Variants in SH3RF2 observed in about 807,000 individuals in gnomAD.
The protein encoded by SH3RF2 is E3 ubiquitin-protein ligase SH3RF2.
In SH3RF2, 43 loss-of-function variants were observed where a neutral mutation model predicts 59.0. The observed-to-expected ratio is 0.73, with a 90% CI of 0.57 to 0.94. The LOEUF is 0.94. Ranked by LOEUF, SH3RF2 falls within the 40% of genes least tolerant of loss-of-function variation. The pLI, the probability that SH3RF2 is intolerant of heterozygous loss-of-function variation, is 0.00. For synonymous variants in SH3RF2, 391 were observed against 391.5 expected (o/e 1.00, Z 0.01); for missense variants, 930 against 940.1 (o/e 0.99, Z 0.14).
chr5:145,954,751 G>A (rs1198483370), intron 2 of SH3RF2, among the ~76,000 whole-genome samples: 1 of 152,116 alleles, frequency 6.6e-6, no homozygotes, highest in Non-Finnish European at 1.5e-5. Context: ...GGTTCTGCAG[G>A]CTGTCCAGGC....
chr5:146,000,826 A>G (rs1306803990), intron 3 of SH3RF2, among the ~76,000 whole-genome samples: 1 of 152,266 alleles, frequency 6.6e-6, no homozygotes, highest in Non-Finnish European at 1.5e-5. Flanking sequence ...AATAAGTCAC[A>G]GTCTCTGCTC....
At chr5:146,041,933 A>G (rs1408742090) in intron 5 of SH3RF2, among the ~76,000 whole-genome samples, 2 of 152,162 alleles carry the variant, frequency 1.3e-5, no homozygotes, top group East Asian at 1.9e-4. Context: ...CCTGTCTCAA[A>G]AAAATAAAAA....
At chr5:145,956,491 G>T (rs2149950341) in intron 2 of SH3RF2, among the ~76,000 whole-genome samples, 1 of 152,170 alleles carries the variant, frequency 6.6e-6, no homozygotes, top group East Asian at 1.9e-4. Context: ...GGCCAGGCTG[G>T]TCTCAAACTC....
At position 146,056,030 on chromosome 5, in the gene SH3RF2, T is replaced by G. The variant is rs767023850; in HGVS notation, c.1372T>G (p.Trp458Gly). 5.0e-6 allele frequency: 8 copies of G among 1,614,140 alleles called. No homozygotes were observed. The highest frequency in any genetic ancestry group is 6.8e-6 in the Non-Finnish European group (8 of 1,180,052). ...DSRSPGLYTT[W>G]TLSTSSVSSQ... ...CCGGAGCCCTGGTCTCTACACCACA[T>G]GGACGTTATCCACCTCCTCTGTGTC... is the stretch of plus-strand genomic sequence containing the variant. The change falls in exon 8 of 10, where the codon TGG becomes GGG. Residue 458 changes from tryptophan to glycine, a missense_variant. Trp to Gly is a radical substitution (Grantham distance 184). Coordinates refer to ENST00000359120, the MANE Select transcript of SH3RF2 (RefSeq NM_152550.4).
chr5:146,061,867 A>G (rs2150023521), intron 9 of SH3RF2, among the ~76,000 whole-genome samples: 1 of 152,104 alleles, frequency 6.6e-6, no homozygotes, highest in Non-Finnish European at 1.5e-5. Flanking sequence ...TTTTATATGC[A>G]ATCTCCCAAT....
At chr5:146,002,115 C>A (rs1386790331) in intron 3 of SH3RF2, among the ~76,000 whole-genome samples, 1 of 152,174 alleles carries the variant, frequency 6.6e-6, no homozygotes, top group African/African-American at 2.4e-5. Flanking sequence ...ATAGGCCCTG[C>A]ACACATGAAG....
At chr5:146,047,951 C>A in intron 6 of SH3RF2, 88 bp downstream of exon 6, 1 of 1,223,324 alleles carries the variant, frequency 8.2e-7, no homozygotes. Flanking sequence ...ATCACCATTC[C>A]CAAAACATCC....
intron 5 of SH3RF2, among the ~76,000 whole-genome samples, chr5:146,044,497 A>G (rs954046563): frequency 2.6e-5 from 4 of 152,134 alleles, no homozygotes; most frequent in African/African-American, 9.7e-5. Flanking sequence ...TTTCCCTGGT[A>G]ATTATTGATG....
In SH3RF2 at chr5:145,963,794, T is replaced by A. The variant is rs372851539; in HGVS notation, c.378+25488T>A. On this transcript the variant is annotated intron_variant, in intron 2 of 9. Coordinates refer to ENST00000359120, the MANE Select transcript of SH3RF2 (RefSeq NM_152550.4). The stretch of plus-strand genomic sequence containing the variant: ...GCTCTTTGATTTCTTGGAGTTTCCC[T>A]TAATAGTTTTTCTTTCTTTCTTTCT... Among the ~76,000 whole-genome samples, 8 of 151,864 alleles carry A rather than the reference T, an allele frequency of 5.3e-5. No homozygotes were observed. The East Asian group carries it at 7.7e-4, about 15-fold the overall frequency.
At chr5:145,965,221 A>C (rs1227613031) in intron 2 of SH3RF2, among the ~76,000 whole-genome samples, 1 of 152,056 alleles carries the variant, frequency 6.6e-6, no homozygotes, top group East Asian at 1.9e-4. Context: ...AGAAAAAAAA[A>C]ACCTAGAACT....
intron 2 of SH3RF2, among the ~76,000 whole-genome samples, chr5:145,958,146 A>G (rs1365802891): frequency 6.6e-6 from 1 of 152,024 alleles, no homozygotes; most frequent in Non-Finnish European, 1.5e-5. Flanking sequence ...AACAAAACAA[A>G]AAAACCTGTG....
chr5:146,009,853 T>C (rs1760802367), intron 4 of SH3RF2, among the ~76,000 whole-genome samples: 2 of 152,216 alleles, frequency 1.3e-5, no homozygotes, highest in African/African-American at 4.8e-5. Flanking sequence ...AAAAGCGACA[T>C]TCAATAAAAT....
chr5:146,016,337 T>C (rs1228759440), intron 5 of SH3RF2, among the ~76,000 whole-genome samples: 1 of 148,050 alleles, frequency 6.8e-6, no homozygotes, highest in African/African-American at 2.5e-5. Context: ...GATGGATCTA[T>C]AGGTAGGTAG....
intron 4 of SH3RF2, among the ~76,000 whole-genome samples, chr5:146,011,653 G>C (rs1483644950): frequency 6.6e-6 from 1 of 152,142 alleles, no homozygotes; most frequent in Non-Finnish European, 1.5e-5. Flanking sequence ...TTGTGAATGG[G>C]AGTTCGCTCA....
At position 145,957,609 on chromosome 5, in the gene SH3RF2, A is replaced by G. The variant is rs1758464827; in HGVS notation, c.378+19303A>G. 5.3e-5 allele frequency among the ~76,000 whole-genome samples: 8 copies of G among 152,140 alleles called. No individual in the cohort carries two copies. The South Asian group carries it at 1.7e-3, about 32-fold the overall frequency. On this transcript the variant is annotated intron_variant, in intron 2 of 9. Transcript: ENST00000359120. Reference sequence around the variant, plus strand: ...GATAAGGACACTGAGGCTCAGAAAGATTAACCTGCTCAAAGGCACACAGAG... The same window carrying G: ...GATAAGGACACTGAGGCTCAGAAAGGTTAACCTGCTCAAAGGCACACAGAG...
chr5:146,015,459 C>CACACACAA (rs1264812914), intron 5 of SH3RF2, among the ~76,000 whole-genome samples: 2 of 152,192 alleles, frequency 1.3e-5, no homozygotes, highest in Non-Finnish European at 2.9e-5. Flanking sequence ...TTCACACACA[C>CACACACAA]ACACACAAAC....
At chr5:145,943,111 A>G (rs1365815131) in intron 2 of SH3RF2, among the ~76,000 whole-genome samples, 1 of 151,988 alleles carries the variant, frequency 6.6e-6, no homozygotes, top group Non-Finnish European at 1.5e-5. Context: ...AGTGCCTGGC[A>G]TATAACAGAA....
chr5:145,975,887 G>T (rs1313856211), intron 2 of SH3RF2, among the ~76,000 whole-genome samples: 1 of 152,204 alleles, frequency 6.6e-6, no homozygotes, highest in Non-Finnish European at 1.5e-5. Context: ...GTGGATTGTT[G>T]TAAGGCTTAG....
exon 10 of SH3RF2, chr5:146,079,982 C>G (rs559107037): frequency 6.6e-6 from 1 of 152,342 alleles, no homozygotes; most frequent in South Asian, 2.1e-4. Flanking sequence ...CTTTTTAAGT[C>G]TCTGGGAACT....
Sources: allele counts gnomAD v4.1 joint callset (sites outside exome capture counted in the v4.1 genomes callset), GRCh38; gene constraint gnomAD v4.1.1; transcripts MANE v1.5; gene names NCBI Gene and HGNC (gene_info 2026-07-23, HGNC 2026-07-21).